The following GRID1 variants were observed in gnomAD, a reference collection of about 807,000 sequenced individuals.
The protein encoded by GRID1 is glutamate receptor ionotropic, delta-1.
A neutral mutation model predicts 98.0 loss-of-function variants in GRID1; 28 were observed. That is an observed-to-expected ratio of 0.29 (90% confidence interval 0.21 to 0.39). GRID1 has a LOEUF of 0.39. Among genes scored for constraint, GRID1 ranks in the 10% least tolerant of loss-of-function variants. The probability of loss-of-function intolerance (pLI) is 1.00; values close to 1 mark genes in which losing one functional copy is unlikely to be tolerated. For synonymous variants in GRID1, 553 were observed against 538.5 expected, an observed-to-expected ratio of 1.03 and a Z score of -0.37; for missense variants, 1,111 against 1,340.5, an observed-to-expected ratio of 0.83 and a Z score of 2.67.
chr10:86,090,141 G>A (rs185545293), intron 4 of GRID1, among the ~76,000 whole-genome samples: 33 of 152,088 alleles, frequency 2.2e-4, no homozygotes, highest in Middle Eastern at 3.4e-3. Context: ...AGATATGGCC[G>A]TGCCTGGTGG....
intron 2 of GRID1, among the ~76,000 whole-genome samples, chr10:86,290,172 C>T (rs967984965): frequency 1.3e-5 from 2 of 150,458 alleles, no homozygotes; most frequent in African/African-American, 4.8e-5. Flanking sequence ...AATACATCTC[C>T]TCATGCCTGC....
chr10:86,268,458 G>A (rs1387758633), intron 2 of GRID1, among the ~76,000 whole-genome samples: 1 of 152,224 alleles, frequency 6.6e-6, no homozygotes, highest in Non-Finnish European at 1.5e-5. Context: ...CAAGGAATCA[G>A]TCACTGAAGT....
intron 4 of GRID1, among the ~76,000 whole-genome samples, chr10:85,937,056 A>G (rs1454442671): frequency 6.6e-6 from 1 of 152,192 alleles, no homozygotes; most frequent in Non-Finnish European, 1.5e-5. Flanking sequence ...GTTCCACTCA[A>G]ATCCTCACCC....
At chr10:85,799,628 A>T (rs1842557635) in intron 8 of GRID1, among the ~76,000 whole-genome samples, 2 of 152,128 alleles carry the variant, frequency 1.3e-5, no homozygotes, top group South Asian at 4.1e-4. Flanking sequence ...CACAGGAAAA[A>T]TGTCACATGG....
intron 5 of GRID1, among the ~76,000 whole-genome samples, chr10:85,882,544 T>C (rs1030519848): frequency 6.6e-6 from 1 of 152,120 alleles, no homozygotes; most frequent in African/African-American, 2.4e-5. Flanking sequence ...ACACCGCATG[T>C]TCTCACTCAT....
At chr10:85,822,389 A>G (rs1842780979) in intron 8 of GRID1, among the ~76,000 whole-genome samples, 1 of 152,222 alleles carries the variant, frequency 6.6e-6, no homozygotes, top group African/African-American at 2.4e-5. Flanking sequence ...ATATGAACAG[A>G]CACTTCTCAA....
At chr10:86,155,675 C>T (rs930264651) in intron 3 of GRID1, among the ~76,000 whole-genome samples, 9 of 152,230 alleles carry the variant, frequency 5.9e-5, no homozygotes, top group Admixed American at 6.5e-5. Flanking sequence ...CCATTCTCGT[C>T]TCCACTCCCC....
At chr10:86,286,796 C>T (rs1468014961) in intron 2 of GRID1, among the ~76,000 whole-genome samples, 2 of 152,204 alleles carry the variant, frequency 1.3e-5, no homozygotes, top group African/African-American at 4.8e-5. Context: ...CTCTGGGCGC[C>T]GGCAGGGTTG....
At chr10:85,969,850 G>A (rs1268912793) in intron 4 of GRID1, among the ~76,000 whole-genome samples, 1 of 151,080 alleles carries the variant, frequency 6.6e-6, no homozygotes, top group Non-Finnish European at 1.5e-5. Context: ...AGATTGGAAT[G>A]GAAATAAATG....
intron 4 of GRID1, among the ~76,000 whole-genome samples, chr10:85,919,021 G>C (rs1841662270): frequency 6.6e-6 from 1 of 152,198 alleles, no homozygotes; most frequent in Admixed American, 6.5e-5. Context: ...TGTGTCTGAG[G>C]TCCTGTGCTG....
intron 7 of GRID1, among the ~76,000 whole-genome samples, chr10:85,855,327 CCT>C (rs1410229706): frequency 6.6e-6 from 1 of 152,204 alleles, no homozygotes; most frequent in East Asian, 1.9e-4. Flanking sequence ...GTGGTGAGCC[CCT>C]TTCTCTCTCC....
chr10:85,603,725 CTT>C (rs770577901), intron 15 of GRID1, among the ~76,000 whole-genome samples: 7 of 152,138 alleles, frequency 4.6e-5, no homozygotes, highest in Admixed American at 2.6e-4. Context: ...GCTGCAGGGA[CTT>C]TGTAAGCAGC....
chr10:86,148,233 G>A (rs981308920), intron 3 of GRID1, among the ~76,000 whole-genome samples: 4 of 152,344 alleles, frequency 2.6e-5, no homozygotes, highest in Admixed American at 6.5e-5. Context: ...GTCACCAGCC[G>A]ATGGATGGAT....
At chr10:86,289,633 C>G (rs1847484229) in intron 2 of GRID1, among the ~76,000 whole-genome samples, 1 of 152,082 alleles carries the variant, frequency 6.6e-6, no homozygotes, top group Non-Finnish European at 1.5e-5. Context: ...TAGGGGGCAG[C>G]CACTCATCCA....
intron 4 of GRID1, among the ~76,000 whole-genome samples, chr10:85,956,290 C>T (rs972439010): frequency 6.6e-6 from 1 of 152,198 alleles, no homozygotes; most frequent in Non-Finnish European, 1.5e-5. Flanking sequence ...GCACCTTGAC[C>T]ACTTGAATCT....
chr10:86,329,968 A>ACTCTGATCTCGAGGATGGG (rs1848114121), intron 2 of GRID1, among the ~76,000 whole-genome samples: 1 of 151,644 alleles, frequency 6.6e-6, no homozygotes, highest in South Asian at 2.1e-4. Context: ...CACTTCCCAC[A>ACTCTGATCTCGAGGATGGG]CTCTGATCTC....
intron 13 of GRID1, among the ~76,000 whole-genome samples, chr10:85,634,269 T>TCTCTCTCTCTCTCTCTCTCC (rs1843009246): frequency 7.0e-6 from 1 of 143,084 alleles, no homozygotes; most frequent in Non-Finnish European, 1.5e-5. Flanking sequence ...TCTCTCTCTC[T>TCTCTCTCTCTCTCTCTCTCC]CTCTCTCTCT....
chr10:86,040,630 T>G (rs1843332584), intron 4 of GRID1, among the ~76,000 whole-genome samples: 1 of 152,106 alleles, frequency 6.6e-6, no homozygotes, highest in South Asian at 2.1e-4. Flanking sequence ...GAGTACATTG[T>G]TAACGTTTGT....
At chr10:86,238,351 GCT>G (rs1216175683) in intron 2 of GRID1, among the ~76,000 whole-genome samples, 3 of 152,112 alleles carry the variant, frequency 2.0e-5, no homozygotes, top group Non-Finnish European at 4.4e-5. Context: ...AGGCACTCCA[GCT>G]CCAGCCATGG....
Sources: allele counts gnomAD v4.1 joint callset (sites outside exome capture counted in the v4.1 genomes callset), GRCh38; gene constraint gnomAD v4.1.1; transcripts MANE v1.5; gene names NCBI Gene and HGNC (gene_info 2026-07-23, HGNC 2026-07-21).